TAFA4: variants seen among roughly 807,000 people sequenced by gnomAD.
The protein encoded by TAFA4 is TAFA chemokine like family member 4, also known as chemokine-like protein TAFA-4.
Under a neutral mutation model 21.1 loss-of-function variants are expected in TAFA4, and 20 were observed. The observed-to-expected ratio is 0.95, with a 90% CI of 0.67 to 1.38. TAFA4 has a LOEUF of 1.38. Ranked by LOEUF, TAFA4 falls within the 40% of genes most tolerant of loss-of-function variation. The pLI is 0.00. For missense variants in TAFA4, 211 were observed against 180.9 expected, an observed-to-expected ratio of 1.17 and a Z score of -0.95; for synonymous variants, 71 against 67.4, an observed-to-expected ratio of 1.05 and a Z score of -0.26.
At chr3:68,746,123 G>A (rs982116403) in intron 4 of TAFA4, among the ~76,000 whole-genome samples, 1 of 152,086 alleles carries the variant, frequency 6.6e-6, no homozygotes, top group Non-Finnish European at 1.5e-5. Flanking sequence ...TTGGACTCTT[G>A]GAGTTACACC....
intron 3 of TAFA4, among the ~76,000 whole-genome samples, chr3:68,755,559 G>A (rs888265154): frequency 2.6e-5 from 4 of 152,136 alleles, no homozygotes; most frequent in Non-Finnish European, 4.4e-5. Flanking sequence ...GTATTCACAC[G>A]TTTGTGCAGC....
intron 3 of TAFA4, among the ~76,000 whole-genome samples, chr3:68,873,377 C>CACACACACACACACACACACACACACACA (rs55674760): frequency 2.8e-5 from 4 of 142,430 alleles, no homozygotes; most frequent in East Asian, 3.0e-4. Flanking sequence ...CACACACACA[C>CACACACACACACACACACACACACACACA]CCTGGGCCAG....
At chr3:68,884,756 T>C (rs1241370199) in intron 2 of TAFA4, among the ~76,000 whole-genome samples, 3 of 152,234 alleles carry the variant, frequency 2.0e-5, no homozygotes, top group Non-Finnish European at 4.4e-5. Flanking sequence ...TCCTGGGCAA[T>C]GATCCCTAAT....
intron 5 of TAFA4, among the ~76,000 whole-genome samples, chr3:68,733,759 C>G (rs746460488): frequency 6.6e-6 from 1 of 152,098 alleles, no homozygotes; most frequent in South Asian, 2.1e-4. Context: ...AAGCATAAGA[C>G]TTTAACATGC....
At chr3:68,816,281 G>A (rs1043298397) in intron 3 of TAFA4, among the ~76,000 whole-genome samples, 4 of 151,992 alleles carry the variant, frequency 2.6e-5, no homozygotes, top group South Asian at 2.1e-4. Context: ...AAACCTGCAC[G>A]TTGTGCACAT....
intron 3 of TAFA4, among the ~76,000 whole-genome samples, chr3:68,836,213 A>G (rs2106886187): frequency 6.6e-6 from 1 of 152,348 alleles, no homozygotes; most frequent in Middle Eastern, 3.4e-3. Context: ...CCCCATCACA[A>G]GGAGATGGGG....
chr3:68,761,382 T>G (rs1702753124), intron 3 of TAFA4, among the ~76,000 whole-genome samples: 1 of 151,650 alleles, frequency 6.6e-6, no homozygotes, highest in Non-Finnish European at 1.5e-5. Context: ...CATATTTTAG[T>G]GACAGGAAAA....
chr3:68,764,664 T>C (rs1236944418), intron 3 of TAFA4, among the ~76,000 whole-genome samples: 1 of 152,326 alleles, frequency 6.6e-6, no homozygotes, highest in African/African-American at 2.4e-5. Flanking sequence ...CCTGTTGCAA[T>C]GGACTGTACT....
chr3:68,743,871 T>A (rs931933350), intron 4 of TAFA4, among the ~76,000 whole-genome samples: 6 of 152,298 alleles, frequency 3.9e-5, no homozygotes, highest in Admixed American at 1.3e-4. Flanking sequence ...AATAATATTT[T>A]AGATTAGGAA....
intron 3 of TAFA4, among the ~76,000 whole-genome samples, chr3:68,834,969 T>C (rs559504996): frequency 2.6e-5 from 4 of 152,116 alleles, no homozygotes; most frequent in Non-Finnish European, 5.9e-5. Context: ...CCCTCTAATA[T>C]ATGGTCATCC....
At chr3:68,927,227 T>G (rs1188209313) in intron 1 of TAFA4, among the ~76,000 whole-genome samples, 1 of 152,192 alleles carries the variant, frequency 6.6e-6, no homozygotes, top group Non-Finnish European at 1.5e-5. Flanking sequence ...GCCCAATGAT[T>G]CCCAGGTTAG....
intron 4 of TAFA4, among the ~76,000 whole-genome samples, chr3:68,742,097 G>A (rs1702367555): frequency 6.6e-6 from 1 of 152,106 alleles, no homozygotes. Flanking sequence ...CACATTAACA[G>A]AATGAAGGAT....
intron 3 of TAFA4, among the ~76,000 whole-genome samples, chr3:68,858,273 CT>C (rs1192256636): frequency 2.0e-5 from 3 of 152,254 alleles, no homozygotes; most frequent in Admixed American, 6.5e-5. Context: ...GCACCATCCC[CT>C]CAAGTCTCTC....
At chr3:68,854,292 A>G (rs1705018658) in intron 3 of TAFA4, among the ~76,000 whole-genome samples, 1 of 152,060 alleles carries the variant, frequency 6.6e-6, no homozygotes, top group African/African-American at 2.4e-5. Context: ...GTGAACAAGA[A>G]GAGAATGGCA....
chr3:68,845,138 G>A (rs1704755867), intron 3 of TAFA4, among the ~76,000 whole-genome samples: 1 of 152,174 alleles, frequency 6.6e-6, no homozygotes, highest in South Asian at 2.1e-4. Flanking sequence ...GTTATTGTGT[G>A]GGAGTCTAAG....
intron 3 of TAFA4, among the ~76,000 whole-genome samples, chr3:68,756,894 G>A (rs1371405835): frequency 6.6e-6 from 1 of 152,210 alleles, no homozygotes; most frequent in Non-Finnish European, 1.5e-5. Flanking sequence ...AGCACTGAGT[G>A]AGCAGAAAAG....
At chr3:68,764,038 A>T (rs1165522017) in intron 3 of TAFA4, among the ~76,000 whole-genome samples, 1 of 152,124 alleles carries the variant, frequency 6.6e-6, no homozygotes. Context: ...TATTCCATCA[A>T]ACTGTGTTAT....
Position 68,803,697 on chromosome 3 carries a change from A to T in TAFA4, c.131-50679T>A, listed in dbSNP as rs547577787. Among the ~76,000 whole-genome samples the T allele has an allele frequency of 8.6e-5, 13 of 151,794 alleles. No individual in the cohort carries two copies. The East Asian group carries it at 1.7e-3, about 20-fold the overall frequency. On this transcript the variant is annotated intron_variant, in intron 3 of 5. Coordinates refer to ENST00000295569, the MANE Select transcript of TAFA4 (RefSeq NM_182522.5). ...ATAGCTTCAGTAAGTGGGAAAAAAA[A>T]AAAACAGGGATGTGACTCATTGTCT... is the stretch of plus-strand genomic sequence containing the variant.
intron 3 of TAFA4, among the ~76,000 whole-genome samples, chr3:68,819,082 G>C (rs963118820): frequency 6.6e-6 from 1 of 152,090 alleles, no homozygotes; most frequent in Non-Finnish European, 1.5e-5. Context: ...AGACCAGCCT[G>C]GGCAACATGG....
Sources: gnomAD v4.1 joint callset for allele counts (sites outside exome capture counted in the v4.1 genomes callset) on GRCh38, gnomAD v4.1.1 for gene constraint, MANE v1.5 for transcripts, NCBI Gene and HGNC (gene_info 2026-07-23, HGNC 2026-07-21) for gene names.